The following CCNY variants were observed in gnomAD, a reference collection of about 807,000 sequenced individuals.
CCNY encodes the protein cyclin-Y.
CCNY carries 19 observed loss-of-function variants against 42.8 expected under a neutral mutation model. The observed-to-expected ratio is 0.44, with a 90% CI of 0.31 to 0.65. The LOEUF is 0.65. Ranked by LOEUF, CCNY falls within the 30% of genes least tolerant of loss-of-function variation. The pLI, the probability that CCNY is intolerant of heterozygous loss-of-function variation, is 0.07. For synonymous variants in CCNY, 165 were observed against 162.7 expected, an observed-to-expected ratio of 1.01 and a Z score of -0.11; for missense variants, 370 against 437.3, an observed-to-expected ratio of 0.85 and a Z score of 1.37.
chr10:35,522,683 G>A (rs948024389), intron 4 of CCNY, among the ~76,000 whole-genome samples: 5 of 152,152 alleles, frequency 3.3e-5, no homozygotes, highest in African/African-American at 7.2e-5. Flanking sequence ...CTGTGTGGCC[G>A]ATGCAAAAAT....
At chr10:35,534,250 G>T (rs1840832142) in intron 7 of CCNY, among the ~76,000 whole-genome samples, 1 of 152,092 alleles carries the variant, frequency 6.6e-6, no homozygotes. Flanking sequence ...GGTCACTCCT[G>T]ACCTCAAGTG....
chr10:35,260,843 C>T (rs1011712878), intron 3 of CCNY, among the ~76,000 whole-genome samples: 14 of 152,264 alleles, frequency 9.2e-5, no homozygotes, highest in Middle Eastern at 6.8e-3. Flanking sequence ...ACAGTGGCCC[C>T]GGTTCTGTGG....
At chr10:35,397,590 ACTT>A (rs1254165482) in intron 1 of CCNY, among the ~76,000 whole-genome samples, 1 of 152,022 alleles carries the variant, frequency 6.6e-6, no homozygotes, top group East Asian at 1.9e-4. Flanking sequence ...AGAGAATAAC[ACTT>A]CTTCTAAGGT....
intron 5 of CCNY, among the ~76,000 whole-genome samples, chr10:35,526,669 GT>G (rs34425324): frequency 0.3 from 43,083 of 142,546 alleles, 6,132 homozygotes; most frequent in Admixed American, 0.38. Flanking sequence ...TCCTTTCCAA[GT>G]TTTTTTTTTT....
intron 3 of CCNY, among the ~76,000 whole-genome samples, chr10:35,299,722 T>C (rs1326409423): frequency 1.3e-5 from 2 of 152,236 alleles, no homozygotes; most frequent in African/African-American, 4.8e-5. Context: ...CTTTGATTTA[T>C]AATTGGAATG....
rs1042313866 is a variant in CCNY, at chr10:35,336,704, G to A, written c.-350G>A. ...GCGGACACCAACTGGGGAAGCGCGG[G>A]GGGGAGGCGGCCTGCGCGGCGCCGC... On this transcript the variant is annotated 5_prime_UTR_variant, in exon 1 of 10. Transcript: ENST00000374704. Among the ~76,000 whole-genome samples the A allele has an allele frequency of 1.4e-5, 2 of 147,370 alleles. No homozygotes were observed. The highest frequency in any genetic ancestry group is 4.9e-5 in the African/African-American group (2 of 40,942).
chr10:35,285,021 AT>A (rs1283246151), intron 3 of CCNY, among the ~76,000 whole-genome samples: 1 of 151,740 alleles, frequency 6.6e-6, no homozygotes, highest in Non-Finnish European at 1.5e-5. Context: ...TGTTTTATTT[AT>A]TTATTTTTTT....
At chr10:35,295,230 C>CT (rs66667305) in intron 3 of CCNY, among the ~76,000 whole-genome samples, 6,232 of 147,684 alleles carry the variant, frequency 0.042, 177 homozygotes, top group Non-Finnish European at 0.062. Flanking sequence ...CCCTATAATA[C>CT]TTTTTTTTTT....
intron 1 of CCNY, among the ~76,000 whole-genome samples, chr10:35,382,470 C>T (rs1837208864): frequency 6.6e-6 from 1 of 152,226 alleles, no homozygotes; most frequent in Admixed American, 6.5e-5. Flanking sequence ...CTCTCATCTC[C>T]AGCATCACTT....
intron 1 of CCNY, among the ~76,000 whole-genome samples, chr10:35,437,576 C>G (rs116853834): frequency 0.011 from 1,701 of 151,846 alleles, 18 homozygotes; most frequent in Non-Finnish European, 0.014. Flanking sequence ...ATTGCTTGAG[C>G]TGGGGAGGCA....
At chr10:35,253,758 T>C (rs752180923) in intron 3 of CCNY, among the ~76,000 whole-genome samples, 1 of 152,112 alleles carries the variant, frequency 6.6e-6, no homozygotes, top group Non-Finnish European at 1.5e-5. Flanking sequence ...AACTGAATAG[T>C]GTTGGAAATA....
intron 3 of CCNY, among the ~76,000 whole-genome samples, chr10:35,305,379 T>G (rs1835594706): frequency 2.6e-5 from 4 of 152,202 alleles, no homozygotes. Context: ...GGATGCTGCA[T>G]GAAATCAGCT....
At chr10:35,265,540 A>G (rs559495532) in intron 3 of CCNY, among the ~76,000 whole-genome samples, 6 of 152,332 alleles carry the variant, frequency 3.9e-5, no homozygotes, top group Admixed American at 3.3e-4. Context: ...GCCTGCAGTG[A>G]GCCCTGTGCG....
chr10:35,478,882 C>T (rs545057499), intron 1 of CCNY, among the ~76,000 whole-genome samples: 5 of 152,282 alleles, frequency 3.3e-5, no homozygotes, highest in African/African-American at 1.2e-4. Context: ...GGCTAATATC[C>T]AGAATCTACA....
chr10:35,278,568 G>A (rs537086925), intron 3 of CCNY, among the ~76,000 whole-genome samples: 5 of 152,194 alleles, frequency 3.3e-5, no homozygotes, highest in Non-Finnish European at 7.3e-5. Context: ...AGGCTGTCGA[G>A]AGGCATGTGT....
At chr10:35,410,975 T>C (rs1364460275) in intron 1 of CCNY, among the ~76,000 whole-genome samples, 1 of 152,154 alleles carries the variant, frequency 6.6e-6, no homozygotes, top group Non-Finnish European at 1.5e-5. Context: ...ATATTAATGG[T>C]GGTGTGTGAA....
At chr10:35,394,986 G>A (rs1422699585) in intron 1 of CCNY, 2 of 174,294 alleles carry the variant, frequency 1.1e-5, no homozygotes, top group South Asian at 5.2e-4. Context: ...ACCCTCCCCC[G>A]CCCCACAATA....
chr10:35,253,414 ATTTTTTTT>A (rs61405875), intron 3 of CCNY, among the ~76,000 whole-genome samples: 989 of 88,996 alleles, frequency 0.011, 27 homozygotes, highest in African/African-American at 0.042. Context: ...CATGCTCACT[ATTTTTTTT>A]TTTTTTTTTT....
At chr10:35,568,299 C>T (rs900440000) in intron 9 of CCNY, among the ~76,000 whole-genome samples, 24 of 152,138 alleles carry the variant, frequency 1.6e-4, no homozygotes, top group African/African-American at 5.3e-4. Context: ...TTCAGCAGGG[C>T]AGGAGAAAAG....
Sources: allele counts gnomAD v4.1 joint callset (sites outside exome capture counted in the v4.1 genomes callset), GRCh38; gene constraint gnomAD v4.1.1; transcripts MANE v1.5; gene names NCBI Gene and HGNC (gene_info 2026-07-23, HGNC 2026-07-21).